The following LHFPL3 variants were observed in gnomAD, a reference collection of about 807,000 sequenced individuals.
LHFPL3 encodes LHFPL tetraspan subfamily member 3, also known as LHFPL tetraspan subfamily member 3 protein.
In LHFPL3, 5 loss-of-function variants were observed where a neutral mutation model predicts 19.3. The observed-to-expected ratio is 0.26, with a 90% confidence interval of 0.14 to 0.54. The LOEUF is 0.54. Ranked by LOEUF, LHFPL3 falls within the 20% of genes least tolerant of loss-of-function variation. The pLI, the probability that LHFPL3 is intolerant of heterozygous loss-of-function variation, is 0.94. For synonymous variants in LHFPL3, 133 were observed against 126.2 expected (o/e 1.05, Z -0.36); for missense variants, 249 against 307.4 (o/e 0.81, Z 1.42).
intron 1 of LHFPL3, among the ~76,000 whole-genome samples, chr7:104,734,339 G>A (rs967518420): frequency 3.9e-5 from 6 of 152,282 alleles, no homozygotes; most frequent in East Asian, 1.9e-4. Flanking sequence ...CATTCTCCCC[G>A]TCACTTTAAG....
At chr7:104,475,971 T>C (rs1793003229) in intron 1 of LHFPL3, among the ~76,000 whole-genome samples, 1 of 150,246 alleles carries the variant, frequency 6.7e-6, no homozygotes, top group African/African-American at 2.4e-5. Context: ...CTGACTCTAG[T>C]CTATTTTAGA....
intron 2 of LHFPL3, among the ~76,000 whole-genome samples, chr7:104,869,862 C>G (rs1035565869): frequency 2.6e-5 from 4 of 152,118 alleles, no homozygotes; most frequent in Non-Finnish European, 5.9e-5. Context: ...CAATGGTAGA[C>G]TGGATTAAGA....
chr7:104,552,132 C>G (rs1033750912), intron 1 of LHFPL3, among the ~76,000 whole-genome samples: 94 of 152,286 alleles, frequency 6.2e-4, no homozygotes, highest in African/African-American at 2.2e-3. Context: ...CCTGCCTAGA[C>G]CAGAGCCATA....
At chr7:104,845,964 G>A (rs1791305165) in intron 2 of LHFPL3, among the ~76,000 whole-genome samples, 1 of 152,198 alleles carries the variant, frequency 6.6e-6, no homozygotes, top group South Asian at 2.1e-4. Context: ...GGAGAAAAGA[G>A]GCCATCTTCT....
chr7:104,527,868 T>G (rs371745428), intron 1 of LHFPL3, among the ~76,000 whole-genome samples: 3 of 152,210 alleles, frequency 2.0e-5, no homozygotes, highest in Non-Finnish European at 4.4e-5. Flanking sequence ...CCCCACCCAA[T>G]AGAGGACAGA....
chr7:104,792,776 T>C (rs1178660205), intron 2 of LHFPL3, among the ~76,000 whole-genome samples: 2 of 152,178 alleles, frequency 1.3e-5, no homozygotes, highest in Admixed American at 6.5e-5. Context: ...TTTCAGTACA[T>C]AAAAAAACTG....
At chr7:104,737,231 G>A (rs2116304583) in intron 2 of LHFPL3, among the ~76,000 whole-genome samples, 1 of 152,104 alleles carries the variant, frequency 6.6e-6, no homozygotes, top group East Asian at 1.9e-4. Context: ...AGATGTAACT[G>A]TGGGTGGTGT....
chr7:104,372,014 A>G (rs1272836793), intron 1 of LHFPL3, among the ~76,000 whole-genome samples: 2 of 152,252 alleles, frequency 1.3e-5, no homozygotes, highest in Non-Finnish European at 2.9e-5. Context: ...TTTCGTTTCC[A>G]TGAAAGTTAC....
At chr7:104,611,608 G>A (rs1791215069) in intron 1 of LHFPL3, among the ~76,000 whole-genome samples, 1 of 152,032 alleles carries the variant, frequency 6.6e-6, no homozygotes, top group Non-Finnish European at 1.5e-5. Context: ...GAAGAAAAGG[G>A]AAATGGAAAA....
intron 1 of LHFPL3, among the ~76,000 whole-genome samples, chr7:104,386,146 C>A (rs1254282382): frequency 6.6e-6 from 1 of 152,054 alleles, no homozygotes; most frequent in Non-Finnish European, 1.5e-5. Flanking sequence ...TAATTGTAAA[C>A]CAAACAAACA....
chr7:104,668,352 C>T (rs895373328), intron 1 of LHFPL3: 6 of 1,593,306 alleles, frequency 3.8e-6, no homozygotes, highest in South Asian at 3.3e-5. Flanking sequence ...CTGGAGGGCT[C>T]GTCCTGCTAC....
intron 1 of LHFPL3, among the ~76,000 whole-genome samples, chr7:104,588,450 G>T (rs963846160): frequency 4.6e-5 from 7 of 152,082 alleles, no homozygotes; most frequent in Non-Finnish European, 8.8e-5. Flanking sequence ...TATTTCTGAG[G>T]GTTCTGTTCT....
At chr7:104,812,653 A>T (rs28648461) in intron 2 of LHFPL3, among the ~76,000 whole-genome samples, 1 of 150,552 alleles carries the variant, frequency 6.6e-6, no homozygotes, top group South Asian at 2.1e-4. Flanking sequence ...AAATTACAAA[A>T]ATTAGCCAGG....
chr7:104,539,160 G>A (rs1434359437), intron 1 of LHFPL3, among the ~76,000 whole-genome samples: 1 of 152,150 alleles, frequency 6.6e-6, no homozygotes, highest in Non-Finnish European at 1.5e-5. Context: ...CTCCAGAACT[G>A]TAAGATAATA....
intron 1 of LHFPL3, among the ~76,000 whole-genome samples, chr7:104,493,510 C>T (rs920081139): frequency 1.3e-5 from 2 of 151,986 alleles, no homozygotes; most frequent in African/African-American, 4.8e-5. Flanking sequence ...TAGATGGCCT[C>T]CAGTCACCTT....
chr7:104,438,089 T>G (rs1792147074), intron 1 of LHFPL3, among the ~76,000 whole-genome samples: 1 of 152,170 alleles, frequency 6.6e-6, no homozygotes, highest in South Asian at 2.1e-4. Context: ...CTAGGGATAC[T>G]GACCAAATAT....
intron 2 of LHFPL3, among the ~76,000 whole-genome samples, chr7:104,854,442 G>T (rs1791464019): frequency 1.3e-5 from 2 of 152,184 alleles, no homozygotes; most frequent in African/African-American, 4.8e-5. Flanking sequence ...TCCTGTGTCT[G>T]CAGTTTCTCA....
intron 1 of LHFPL3, among the ~76,000 whole-genome samples, chr7:104,504,729 C>G (rs1213002846): frequency 6.6e-6 from 1 of 152,220 alleles, no homozygotes; most frequent in African/African-American, 2.4e-5. Flanking sequence ...CACCTTATTT[C>G]TGCCTTACTG....
chr7:104,882,861 A>G (rs1331326688), intron 2 of LHFPL3, among the ~76,000 whole-genome samples: 1 of 152,162 alleles, frequency 6.6e-6, no homozygotes, highest in African/African-American at 2.4e-5. Flanking sequence ...ATAAATCCTG[A>G]AGATGGGGGA....
Sources: gnomAD v4.1 joint callset for allele counts (sites outside exome capture counted in the v4.1 genomes callset) on GRCh38, gnomAD v4.1.1 for gene constraint, MANE v1.5 for transcripts, NCBI Gene and HGNC (gene_info 2026-07-23, HGNC 2026-07-21) for gene names.